CSF2RB: variants seen among roughly 807,000 people sequenced by gnomAD.
The protein encoded by CSF2RB is colony stimulating factor 2 receptor subunit beta, also known as cytokine receptor common subunit beta.
CSF2RB carries 22 observed loss-of-function variants against 67.2 expected under a neutral mutation model. The observed-to-expected ratio is 0.33, with a 90% CI of 0.23 to 0.47. The LOEUF is 0.47. Ranked by LOEUF, CSF2RB falls within the 20% of genes least tolerant of loss-of-function variation. The pLI is 1.00. For missense variants in CSF2RB, 1,113 were observed against 1,174.5 expected, an observed-to-expected ratio of 0.95 and a Z score of 0.76; for synonymous variants, 507 against 482.9, an observed-to-expected ratio of 1.05 and a Z score of -0.65.
At chr22:36,929,896 C>T in intron 6 of CSF2RB, 89 bp downstream of exon 6, 1 of 1,506,772 alleles carries the variant, frequency 6.6e-7, no homozygotes, top group Non-Finnish European at 9.0e-7. Flanking sequence ...TGGGCTCCAC[C>T]TGGGGGCTTC....
intron 10 of CSF2RB, among the ~76,000 whole-genome samples, chr22:36,934,907 G>C (rs1161918344): frequency 6.6e-6 from 1 of 152,144 alleles, no homozygotes; most frequent in Non-Finnish European, 1.5e-5. Flanking sequence ...GCTCAGGGCT[G>C]GGCAGCAGGT....
chr22:36,920,865 T>A (rs1311647793), intron 1 of CSF2RB, among the ~76,000 whole-genome samples: 1 of 152,232 alleles, frequency 6.6e-6, no homozygotes, highest in Non-Finnish European at 1.5e-5. Flanking sequence ...TTTATGTTGT[T>A]AATCAATGAT....
At position 36,937,845 on chromosome 22, in the gene CSF2RB, TG is replaced by T; in HGVS notation, c.2040del (p.Pro681GlnfsTer17). 1 of 1,613,280 alleles carries T rather than the reference TG, an allele frequency of 6.2e-7. No individual in the cohort carries two copies. Among genetic ancestry groups the T allele is most frequent in the East Asian group, 2.2e-5 (1 of 44,848 alleles). On this transcript the variant is annotated frameshift_variant, in exon 14 of 14. Transcript: ENST00000403662. LOFTEE classifies it low-confidence loss of function (END_TRUNC). The surrounding 1 kb of genome is among the most constrained non-coding windows in gnomAD (Gnocchi z 4.6). ...SGGGPAPPAL[G>X]PRVGGQDQKD... ...GGGGAGGCCCTGCCCCTCCTGCTCTTGGGCCAAGGGTGGGAGGACAGGACCA... is the reference window on the plus strand; with the variant it reads ...GGGGAGGCCCTGCCCCTCCTGCTCTTGGCCAAGGGTGGGAGGACAGGACCA...
intron 1 of CSF2RB, among the ~76,000 whole-genome samples, chr22:36,921,254 G>A (rs1373843889): frequency 7.3e-6 from 1 of 136,962 alleles, no homozygotes; most frequent in Non-Finnish European, 1.6e-5. Flanking sequence ...GTGTGTGTTT[G>A]TATGTGTGTG....
Position 36,926,127 on chromosome 22 carries a change from A to G in CSF2RB, c.341A>G (p.Gln114Arg). The G allele has an allele frequency of 6.2e-7, 1 of 1,614,120 alleles. No homozygotes were observed. The highest frequency in any genetic ancestry group is 8.5e-7 in the Non-Finnish European group (1 of 1,180,026). The change falls in exon 4 of 14, where the codon CAA (glutamine) becomes CGA (arginine). Residue 114 changes from glutamine to arginine, a missense_variant. Gln to Arg is a conservative substitution (Grantham distance 43). Around this residue, in one of 2 missense-constraint regions of CSF2RB, gnomAD observed 559 missense variants for 656.5 expected, o/e 0.85. Coordinates refer to ENST00000403662, the MANE Select transcript of CSF2RB (RefSeq NM_000395.3). ...VVTDVDYFSFQPDRPLGTRLT... is the reference protein window; with the variant it reads ...VVTDVDYFSFRPDRPLGTRLT... ...ACTGACGTTGACTACTTCTCATTCC[A>G]ACCAGACAGGCCTCTGGGCACCCGG...
intron 10 of CSF2RB, among the ~76,000 whole-genome samples, 174 bp from the exon 11 acceptor site, chr22:36,935,177 C>T (rs946725683): frequency 6.6e-6 from 1 of 152,150 alleles, no homozygotes; most frequent in Non-Finnish European, 1.5e-5. Flanking sequence ...GACCAATGCC[C>T]TTCCCAGCAT....
chr22:36,918,897 A>T (rs1036739178), intron 1 of CSF2RB, among the ~76,000 whole-genome samples: 3 of 152,220 alleles, frequency 2.0e-5, no homozygotes, highest in African/African-American at 4.8e-5. Flanking sequence ...CTCATGGTCC[A>T]AAATAGCTGC....
At chr22:36,923,189 G>A in intron 2 of CSF2RB, 55 bp from the exon 3 acceptor site, 1 of 1,613,696 alleles carries the variant, frequency 6.2e-7, no homozygotes, top group South Asian at 1.1e-5. Context: ...GGGGGTGATG[G>A]TGACAAGGGT....
rs1420099260 is a variant in CSF2RB at position 36,937,306 on chromosome 22, A to G, written c.1569-71A>G. 1 of 1,578,710 alleles carries G rather than the reference A, an allele frequency of 6.3e-7. No homozygotes were observed. ...CCAGAGAACCATCTCCACCCCACCA[A>G]GACCCTTGTGCCTGACCCGGATCAT... On this transcript the variant is annotated intron_variant, in intron 13 of 13. Transcript: ENST00000403662. The surrounding 1 kb of genome is among the most constrained non-coding windows in gnomAD (Gnocchi z 4.6).
chr22:36,934,067 A>C, intron 10 of CSF2RB, 73 bp downstream of exon 10: 5 of 1,574,856 alleles, frequency 3.2e-6, no homozygotes, highest in Non-Finnish European at 3.5e-6. Context: ...AAAATCCCCA[A>C]TGCAGCAGCC....
At chr22:36,932,645 A>T in intron 8 of CSF2RB, 120 bp from the exon 9 acceptor site, 1 of 1,198,094 alleles carries the variant, frequency 8.3e-7, no homozygotes, top group South Asian at 1.3e-5. Context: ...GGATCCAACC[A>T]TGGGCAGAAC....
rs1941119375 is a variant in CSF2RB, at chr22:36,930,263, C to T, written c.719-112C>T. The stretch of plus-strand genomic sequence containing the variant: ...TTCAGGCTGAAGTTTCAGCCCTGGT[C>T]TTTTGGCCCCAGAGCTCATGACCTC... On this transcript the variant is annotated intron_variant, in intron 6 of 13. Transcript: ENST00000403662. The T allele has an allele frequency of 5.4e-6, 8 of 1,489,940 alleles. No individual in the cohort carries two copies. The Admixed American group carries it at 1.0e-4, about 19-fold the overall frequency. The allele number at this position is 1,489,940 out of a possible 1,614,324, so 92.3% of individuals were successfully genotyped here.
Position 36,938,831 on chromosome 22 carries a change from AT to A in CSF2RB, c.*334del. Reference sequence around the variant, plus strand: ...TTAATCAGGTTTCCTTGCTTTTGCCATTTTTCTTCCTTCTTTTTTCACTGAT... The same window carrying A: ...TTAATCAGGTTTCCTTGCTTTTGCCATTTTCTTCCTTCTTTTTTCACTGAT... On this transcript the variant is annotated 3_prime_UTR_variant, in exon 14 of 14. Coordinates refer to ENST00000403662, the MANE Select transcript of CSF2RB (RefSeq NM_000395.3). The A allele has an allele frequency of 5.6e-6, 3 of 531,712 alleles. No homozygotes were observed. In the South Asian group the frequency reaches 9.3e-5, roughly 17 times the overall value. 32.9% of individuals were successfully genotyped at this position (531,712 alleles called of 1,614,324 possible). A position where few individuals can be genotyped will look rare whatever the true frequency, so the allele number is the denominator to read the frequency against.
chr22:36,920,970 A>G (rs1227662867), intron 1 of CSF2RB, among the ~76,000 whole-genome samples: 1 of 147,322 alleles, frequency 6.8e-6, no homozygotes, highest in Non-Finnish European at 1.5e-5. Flanking sequence ...TCCAGCCAGC[A>G]TGTCCATTGA....
chr22:36,927,346 C>T (rs1305010203), intron 4 of CSF2RB, among the ~76,000 whole-genome samples: 2 of 152,162 alleles, frequency 1.3e-5, no homozygotes, highest in Non-Finnish European at 2.9e-5. Context: ...ACCGTGAGAA[C>T]TTACTGACAG....
intron 7 of CSF2RB, 71 bp from the exon 8 acceptor site, chr22:36,930,602 G>T: frequency 6.2e-7 from 1 of 1,610,994 alleles, no homozygotes. Flanking sequence ...AGAAGCCACA[G>T]CCCACCCTAA....
Position 36,930,818 on chromosome 22 carries a change from A to G in CSF2RB, c.1000A>G (p.Ser334Gly). Residue 334 changes from serine to glycine, a missense_variant, in exon 8 of 14, where the codon AGC (serine) becomes GGC (glycine). Physicochemically the swap from Ser to Gly is moderately conservative, Grantham distance 56. Coordinates refer to ENST00000403662, the MANE Select transcript of CSF2RB (RefSeq NM_000395.3). ...AAGGAGGGCAGAGAAACACATAAAG[A>G]GCTCAGTGAACAGTGAGTTTGCTCC... is the stretch of plus-strand genomic sequence containing the variant. The part of the protein sequence containing the change: ...QPRRAEKHIK[S>G]SVNIQMAPPS... The G allele has an allele frequency of 6.2e-7, 1 of 1,614,102 alleles. No individual in the cohort carries two copies. Among genetic ancestry groups the G allele is most frequent in the Non-Finnish European group, 8.5e-7 (1 of 1,180,020 alleles).
At chr22:36,915,990 T>TTGGAGTGACTCATTTTTGGAGTGACATA (rs1484764206) in intron 1 of CSF2RB, among the ~76,000 whole-genome samples, 2 of 152,232 alleles carry the variant, frequency 1.3e-5, no homozygotes, top group Admixed American at 6.5e-5. Context: ...GTGACTCATT[T>TTGGAGTGACTCATTTTTGGAGTGACATA]ATTACGTGTA....
chr22:36,916,875 ATCAGTTTGCCAAGCCCATTAAAT>A (rs1569128880), intron 1 of CSF2RB, among the ~76,000 whole-genome samples: 1 of 152,124 alleles, frequency 6.6e-6, no homozygotes, highest in South Asian at 2.1e-4. Flanking sequence ...AAAAATAAAA[ATCAGTTTGCCAAGCCCATTAAAT>A]TCCTTTTTGG....
Sources: allele counts gnomAD v4.1 joint callset (sites outside exome capture counted in the v4.1 genomes callset), GRCh38; gene constraint gnomAD v4.1.1; regional missense constraint gnomAD v4.1.1; non-coding constraint Gnocchi (gnomAD v3.1); transcripts MANE v1.5; gene names NCBI Gene and HGNC (gene_info 2026-07-23, HGNC 2026-07-21).